RCAN1: variants seen among roughly 807,000 people sequenced by gnomAD.
RCAN1 encodes regulator of calcineurin 1.
RCAN1 carries 11 observed loss-of-function variants against 22.9 expected under a neutral mutation model. The ratio of observed to expected loss-of-function variants is 0.48; its 90% CI spans 0.30 to 0.79. RCAN1 has a LOEUF of 0.79. Among genes scored for constraint, RCAN1 ranks in the 30% least tolerant of loss-of-function variants. The pLI, the probability that RCAN1 is intolerant of heterozygous loss-of-function variation, is 0.06. For synonymous variants in RCAN1, 136 were observed against 142.3 expected, an observed-to-expected ratio of 0.96 and a Z score of 0.32; for missense variants, 291 against 337.8, an observed-to-expected ratio of 0.86 and a Z score of 1.09.
chr21:34,549,908 T>C (rs1017098909), intron 1 of RCAN1, among the ~76,000 whole-genome samples: 1 of 152,090 alleles, frequency 6.6e-6, no homozygotes, highest in Admixed American at 6.5e-5. Flanking sequence ...CAGGAGGCAC[T>C]GAACACAGAC....
At chr21:34,555,581 A>T (rs1051688218) in intron 1 of RCAN1, among the ~76,000 whole-genome samples, 6 of 149,528 alleles carry the variant, frequency 4.0e-5, no homozygotes, top group Admixed American at 3.3e-4. Flanking sequence ...CAAAAAAAAA[A>T]ATAAATAAAA....
chr21:34,570,092 G>GTAGC (rs1329446884), intron 1 of RCAN1, among the ~76,000 whole-genome samples: 1 of 152,238 alleles, frequency 6.6e-6, no homozygotes, highest in African/African-American at 2.4e-5. Flanking sequence ...GCTCCCTGGG[G>GTAGC]TAGCTGAAGG....
In RCAN1 at chr21:34,585,517, G is replaced by A. The variant is rs112920173; in HGVS notation, c.252+29243C>T. ...CCAGCACTTTCGGAGGCCGAGGTGG[G>A]CGGATCACAAGGTCAGGAGATCAAG... On this transcript the variant is annotated intron_variant, in intron 1 of 3. Transcript: ENST00000313806. Among the ~76,000 whole-genome samples, 821 of 152,176 alleles carry A rather than the reference G, an allele frequency of 5.4e-3. 6 individuals carry two copies. The highest frequency in any genetic ancestry group is 0.019 in the African/African-American group (784 of 41,528).
At chr21:34,521,866 C>A (rs552943276) in intron 2 of RCAN1, 17 of 557,566 alleles carry the variant, frequency 3.0e-5, no homozygotes, top group Non-Finnish European at 4.8e-5. Flanking sequence ...GGATGACAGC[C>A]CCCTCCCAGG....
At chr21:34,584,793 C>T (rs1987734711) in intron 1 of RCAN1, among the ~76,000 whole-genome samples, 1 of 152,210 alleles carries the variant, frequency 6.6e-6, no homozygotes, top group Non-Finnish European at 1.5e-5. Context: ...AACCTGTACC[C>T]ATAATTCTGC....
intron 1 of RCAN1, among the ~76,000 whole-genome samples, chr21:34,542,672 T>C (rs1470179537): frequency 6.6e-6 from 1 of 152,366 alleles, no homozygotes; most frequent in Admixed American, 6.5e-5. Context: ...TTTGGGTGGC[T>C]TGTTGTGCAG....
At chr21:34,548,660 T>C (rs981542249) in intron 1 of RCAN1, among the ~76,000 whole-genome samples, 1 of 152,242 alleles carries the variant, frequency 6.6e-6, no homozygotes, top group African/African-American at 2.4e-5. Flanking sequence ...TGTGATAACA[T>C]TGATATCCTG....
chr21:34,518,241 A>G lies in RCAN1; in HGVS notation c.602T>C (p.Leu201Ser). The change falls in exon 4 of 4, where the codon TTG becomes TCG. Residue 201 changes from leucine (L) to serine (S), a missense_variant. Physicochemically the swap from Leu to Ser is moderately radical, Grantham distance 145 (BLOSUM62 -2). Transcript: ENST00000313806. This position sits in a 1 kb window ranked among gnomAD's most constrained non-coding sequence, Gnocchi z 4.2. ...GGGAGTGGTGTCAGTCGCTGCGTGC[A>G]ATTCATACTTTTCCCCTAAGGAGGG... ...SKLGPGEKYE[L>S]HAATDTTPSV... is the part of the protein sequence containing the mutation. 6.2e-7 allele frequency: 1 copy of G among 1,614,082 alleles called. No individual in the cohort carries two copies. Among genetic ancestry groups the G allele is most frequent in the Non-Finnish European group, 8.5e-7 (1 of 1,179,978 alleles).
intron 1 of RCAN1, chr21:34,525,197 C>CT: frequency 6.4e-7 from 1 of 1,550,598 alleles, no homozygotes; most frequent in South Asian, 1.2e-5. Flanking sequence ...CGGGGAGGCA[C>CT]TGGTGGATGC....
At chr21:34,545,112 G>T (rs1212354266) in intron 1 of RCAN1, among the ~76,000 whole-genome samples, 1 of 152,198 alleles carries the variant, frequency 6.6e-6, no homozygotes, top group Non-Finnish European at 1.5e-5. Context: ...TTCTTAGTGG[G>T]ATATGTTCCC....
rs1330146606 is a variant in RCAN1 at position 34,518,982 on chromosome 21, C to G, written c.587-726G>C. On this transcript the variant is annotated intron_variant, in intron 3 of 3. Coordinates refer to ENST00000313806, the MANE Select transcript of RCAN1 (RefSeq NM_004414.7). This position sits in a 1 kb window ranked among gnomAD's most constrained non-coding sequence, Gnocchi z 4.2. The stretch of plus-strand genomic sequence containing the variant: ...TGGGGCCTCCCGCTGGGGTGCCGCT[C>G]TGGCCACGGGAAGAGTGTGCATCTC... Among the ~76,000 whole-genome samples the G allele has an allele frequency of 6.6e-5, 10 of 152,192 alleles. No homozygotes were observed. Among genetic ancestry groups the G allele is most frequent in the African/African-American group, 2.4e-4 (10 of 41,444 alleles).
chr21:34,561,491 A>T (rs1369032414), intron 1 of RCAN1, among the ~76,000 whole-genome samples: 1 of 152,176 alleles, frequency 6.6e-6, no homozygotes, highest in African/African-American at 2.4e-5. Context: ...AACTTATTTT[A>T]GATATTATTC....
chr21:34,576,448 C>A (rs1987413659), intron 1 of RCAN1, among the ~76,000 whole-genome samples: 1 of 152,224 alleles, frequency 6.6e-6, no homozygotes, highest in South Asian at 2.1e-4. Flanking sequence ...AACTCGGACA[C>A]AAACCCAAGT....
At chr21:34,538,757 G>A (rs1430129873) in intron 1 of RCAN1, among the ~76,000 whole-genome samples, 1 of 152,212 alleles carries the variant, frequency 6.6e-6, no homozygotes, top group Non-Finnish European at 1.5e-5. Flanking sequence ...ACCCTGAGAA[G>A]GGGGTGGAAC....
chr21:34,552,559 C>T (rs1986408922), intron 1 of RCAN1, among the ~76,000 whole-genome samples: 1 of 152,016 alleles, frequency 6.6e-6, no homozygotes, highest in Non-Finnish European at 1.5e-5. Flanking sequence ...AAATGTTTAC[C>T]AGGTTGCCAA....
At chr21:34,536,771 C>A (rs1395446841) in intron 1 of RCAN1, among the ~76,000 whole-genome samples, 1 of 152,158 alleles carries the variant, frequency 6.6e-6, no homozygotes, top group African/African-American at 2.4e-5. Flanking sequence ...ATCTGCAACT[C>A]TTCAATAAAG....
At chr21:34,574,209 A>T (rs1987330286) in intron 1 of RCAN1, among the ~76,000 whole-genome samples, 1 of 152,232 alleles carries the variant, frequency 6.6e-6, no homozygotes, top group African/African-American at 2.4e-5. Flanking sequence ...TGGAAGTTGG[A>T]CTGACATCAG....
At chr21:34,527,425 T>C (rs775780871) in intron 1 of RCAN1, among the ~76,000 whole-genome samples, 11 of 152,230 alleles carry the variant, frequency 7.2e-5, no homozygotes, top group African/African-American at 1.2e-4. Context: ...TTTTGAAGTG[T>C]AGTTAAAATT....
chr21:34,524,613 C>T (rs1984871676), intron 1 of RCAN1: 1 of 152,788 alleles, frequency 6.5e-6, no homozygotes, highest in Non-Finnish European at 1.5e-5. Flanking sequence ...TTATCTCAGT[C>T]TGTTACTTTT....
Sources: gnomAD v4.1 joint callset for allele counts (sites outside exome capture counted in the v4.1 genomes callset) on GRCh38, gnomAD v4.1.1 for gene constraint, Gnocchi (gnomAD v3.1) non-coding constraint, MANE v1.5 for transcripts, NCBI Gene and HGNC (gene_info 2026-07-23, HGNC 2026-07-21) for gene names.